Variants in ADAMTSL1 observed in about 807,000 individuals in gnomAD.
The protein encoded by ADAMTSL1 is ADAMTS-like protein 1.
ADAMTSL1 carries 126 observed loss-of-function variants against 201.8 expected under a neutral mutation model. That is an observed-to-expected ratio of 0.62 (90% CI 0.54 to 0.72). The LOEUF is 0.72. Ranked by LOEUF, ADAMTSL1 falls within the 30% of genes least tolerant of loss-of-function variation. The pLI is 0.00. For synonymous variants in ADAMTSL1, 1,121 were observed against 903.4 expected (o/e 1.24, Z -4.32); for missense variants, 2,679 against 2,277.8 (o/e 1.18, Z -3.59).
At position 18,509,044 on chromosome 9, in the gene ADAMTSL1, C is replaced by T. The variant is rs1370662439; in HGVS notation, c.191+4088C>T. Among the ~76,000 whole-genome samples, 10 of 130,286 alleles carry T rather than the reference C, an allele frequency of 7.7e-5. 1 individual carries two copies. The highest frequency in any genetic ancestry group is 1.5e-4 in the Non-Finnish European group (9 of 61,396). 85.5% of individuals were successfully genotyped at this position (130,286 alleles called of 152,430 possible). A position where few individuals can be genotyped will look rare whatever the true frequency, so the allele number is the denominator to read the frequency against. On this transcript the variant is annotated intron_variant, in intron 2 of 28. Transcript: ENST00000380548. ...CTAAAAATACAAAAAATTAGCCGGGCGCGGTGGCGGGCGCCTGTAGTCCCA... is the reference window on the plus strand; with the variant it reads ...CTAAAAATACAAAAAATTAGCCGGGTGCGGTGGCGGGCGCCTGTAGTCCCA...
chr9:18,243,830 C>T (rs1420341377), intron 2 of ADAMTSL1, among the ~76,000 whole-genome samples: 1 of 151,962 alleles, frequency 6.6e-6, no homozygotes, highest in Non-Finnish European at 1.5e-5. Context: ...GAAATTGAAC[C>T]CATCTTCCCA....
intron 2 of ADAMTSL1, among the ~76,000 whole-genome samples, chr9:18,232,487 A>G (rs187476159): frequency 1.3e-5 from 2 of 152,188 alleles, no homozygotes; most frequent in East Asian, 3.9e-4. Flanking sequence ...TGTTTATTCC[A>G]CAAGGATGTC....
chr9:18,780,626 T>C (rs576106725), intron 19 of ADAMTSL1, among the ~76,000 whole-genome samples: 1 of 152,216 alleles, frequency 6.6e-6, no homozygotes, highest in African/African-American at 2.4e-5. Flanking sequence ...CCAGAGGCTA[T>C]CATTCTTAAT....
intron 2 of ADAMTSL1, among the ~76,000 whole-genome samples, chr9:18,238,837 AC>A (rs1423031734): frequency 4.6e-5 from 7 of 152,190 alleles, no homozygotes; most frequent in African/African-American, 1.4e-4. Flanking sequence ...TGTAATTGTA[AC>A]ATTTGAAATT....
At chr9:17,910,809 CAG>C (rs951695258) in intron 1 of ADAMTSL1, among the ~76,000 whole-genome samples, 1 of 69,102 alleles carries the variant, frequency 1.4e-5, no homozygotes, top group Non-Finnish European at 4.4e-5. Flanking sequence ...TCAAATTAAA[CAG>C]ATCAGAAATT....
At chr9:18,785,748 G>T (rs777255795) in intron 19 of ADAMTSL1, among the ~76,000 whole-genome samples, 1 of 152,186 alleles carries the variant, frequency 6.6e-6, no homozygotes, top group Non-Finnish European at 1.5e-5. Context: ...GGAGGCTTAC[G>T]TAATATGGAC....
chr9:18,314,670 C>A (rs996668662), intron 2 of ADAMTSL1, among the ~76,000 whole-genome samples: 1 of 150,548 alleles, frequency 6.6e-6, no homozygotes, highest in African/African-American at 2.4e-5. Context: ...TAAAGGCATG[C>A]GGACCGAAAG....
intron 1 of ADAMTSL1, among the ~76,000 whole-genome samples, chr9:17,934,624 G>A (rs1826928469): frequency 6.6e-6 from 1 of 152,036 alleles, no homozygotes; most frequent in African/African-American, 2.4e-5. Flanking sequence ...ATATTTTGTA[G>A]CTTTTCTTTC....
chr9:18,290,410 C>T (rs897163478), intron 2 of ADAMTSL1, among the ~76,000 whole-genome samples: 1 of 151,954 alleles, frequency 6.6e-6, no homozygotes, highest in Admixed American at 6.6e-5. Flanking sequence ...TGTGAGTTCA[C>T]CATAGATCAC....
chr9:18,530,912 A>C (rs1819405612), intron 2 of ADAMTSL1, among the ~76,000 whole-genome samples: 1 of 152,178 alleles, frequency 6.6e-6, no homozygotes, highest in Non-Finnish European at 1.5e-5. Flanking sequence ...GGAACTTCAA[A>C]ATTGAAAAGC....
chr9:18,835,846 T>C (rs1330643574), intron 23 of ADAMTSL1, among the ~76,000 whole-genome samples: 1 of 152,178 alleles, frequency 6.6e-6, no homozygotes, highest in Non-Finnish European at 1.5e-5. Context: ...TTCATTCTCT[T>C]TATGGCTGCA....
rs7869339 is a variant in ADAMTSL1, at chr9:18,274,621, C to T, written c.207+110640C>T. ...AAACAAGTCTGAAAAATTTCAGCAC[C>T]AAGGTTAATTTTTATTATATAATAA... On this transcript the variant is annotated intron_variant, in intron 2 of 29. Transcript: ENST00000680146. Among the ~76,000 whole-genome samples, 819 of 151,960 alleles carry T rather than the reference C, an allele frequency of 5.4e-3. 3 individuals carry two copies. The highest frequency in any genetic ancestry group is 0.018 in the African/African-American group (731 of 41,462).
At chr9:18,656,650 A>AAAAAAT (rs71506010) in intron 7 of ADAMTSL1, among the ~76,000 whole-genome samples, 163 of 148,426 alleles carry the variant, frequency 1.1e-3, no homozygotes, top group South Asian at 4.9e-3. Context: ...AAAAAAGAAA[A>AAAAAAT]TGTTAAGACT....
At chr9:18,415,813 C>T (rs192558012) in intron 2 of ADAMTSL1, among the ~76,000 whole-genome samples, 25 of 151,922 alleles carry the variant, frequency 1.6e-4, no homozygotes, top group Middle Eastern at 6.8e-3. Flanking sequence ...AGGAAAATGA[C>T]ATTTTATATA....
chr9:18,618,676 A>G (rs1374156232), intron 4 of ADAMTSL1, among the ~76,000 whole-genome samples: 1 of 151,940 alleles, frequency 6.6e-6, no homozygotes, highest in Non-Finnish European at 1.5e-5. Flanking sequence ...CAAGGCTTCC[A>G]TTCTCAAGAT....
chr9:18,047,841 T>G (rs1466836662), intron 1 of ADAMTSL1, among the ~76,000 whole-genome samples: 1 of 152,118 alleles, frequency 6.6e-6, no homozygotes, highest in Non-Finnish European at 1.5e-5. Context: ...ATGAGTTCAG[T>G]TTTAGTTTGT....
At chr9:18,584,038 G>T (rs566381460) in intron 4 of ADAMTSL1, among the ~76,000 whole-genome samples, 3 of 152,286 alleles carry the variant, frequency 2.0e-5, no homozygotes, top group South Asian at 4.1e-4. Flanking sequence ...TTAAGACTTT[G>T]GGGGACTGTT....
chr9:18,376,306 TG>T (rs1338388050), intron 2 of ADAMTSL1, among the ~76,000 whole-genome samples: 1 of 152,148 alleles, frequency 6.6e-6, no homozygotes. Context: ...TACACAGATA[TG>T]TATAATGCAA....
intron 2 of ADAMTSL1, among the ~76,000 whole-genome samples, chr9:18,333,996 T>G (rs1267530914): frequency 6.6e-6 from 1 of 152,172 alleles, no homozygotes; most frequent in Non-Finnish European, 1.5e-5. Flanking sequence ...GAGAAGACAC[T>G]GTGCTAAGTG....
Sources: gnomAD v4.1 joint callset for allele counts (sites outside exome capture counted in the v4.1 genomes callset) on GRCh38, gnomAD v4.1.1 for gene constraint, MANE v1.5 for transcripts, NCBI Gene and HGNC (gene_info 2026-07-23, HGNC 2026-07-21) for gene names.